Variants in HSBP1L1 observed in about 807,000 individuals in gnomAD.
HSBP1L1 encodes the protein heat shock factor-binding protein 1-like protein 1.
HSBP1L1 carries 8 observed loss-of-function variants against 9.7 expected under a neutral mutation model. That is an observed-to-expected ratio of 0.82 (90% CI 0.48 to 1.48). The LOEUF (loss-of-function observed/expected upper bound fraction) is 1.48, where lower values mean the gene tolerates loss of function less well. Ranked by LOEUF, HSBP1L1 falls within the 40% of genes most tolerant of loss-of-function variation. The probability of loss-of-function intolerance (pLI) is 0.00; values close to 1 mark genes in which losing one functional copy is unlikely to be tolerated. For synonymous variants in HSBP1L1, 39 were observed against 34.4 expected (o/e 1.13, Z -0.46); for missense variants, 106 against 95.8 (o/e 1.11, Z -0.44).
intron 1 of HSBP1L1, among the ~76,000 whole-genome samples, chr18:79,966,148 G>A (rs1367122657): frequency 6.6e-6 from 1 of 151,994 alleles, no homozygotes; most frequent in African/African-American, 2.4e-5. Context: ...TGCCAGGATG[G>A]TCTCGATCTC....
At position 79,968,196 on chromosome 18, in the gene HSBP1L1, G is replaced by C; in HGVS notation, c.213+13G>C. The C allele has an allele frequency of 6.9e-7, 1 of 1,454,230 alleles. No individual in the cohort carries two copies. The highest frequency in any genetic ancestry group is 9.4e-7 in the Non-Finnish European group (1 of 1,060,498). The allele number at this position is 1,454,230 out of a possible 1,614,324, so 90.1% of individuals were successfully genotyped here. A position where few individuals can be genotyped will look rare whatever the true frequency, so the allele number is the denominator to read the frequency against. ...TAAAGAACAAATGGTAAGGTTATTA[G>C]CAAACTATGTCAACCGTTTTCGTAT... is the stretch of plus-strand genomic sequence containing the variant. On this transcript the variant is annotated intron_variant, in intron 3 of 3. Coordinates refer to ENST00000451882, the MANE Select transcript of HSBP1L1 (RefSeq NM_001136180.2).
chr18:79,970,594 TG>T lies in HSBP1L1; in HGVS notation c.*144del, dbSNP rs2051291313. The T allele has an allele frequency of 2.8e-5, 18 of 641,130 alleles. No individual in the cohort carries two copies. Among genetic ancestry groups the T allele is most frequent in the Non-Finnish European group, 4.7e-5 (16 of 340,888 alleles). The allele number at this position is 641,130 out of a possible 1,614,324, so 39.7% of individuals were successfully genotyped here. On this transcript the variant is annotated 3_prime_UTR_variant, in exon 4 of 4. Transcript: ENST00000451882. ...GCTCGCCTGCTCTCCCCTCCGTGCC[TG>T]CACCAGAGAAGGAGGCCATCGGCAA...
In HSBP1L1 at chr18:79,964,773, C is replaced by G; in HGVS notation, c.38C>G (p.Ala13Gly). The G allele has an allele frequency of 7.1e-7, 1 of 1,406,174 alleles. No homozygotes were observed. The highest frequency in any genetic ancestry group is 3.1e-5 in the East Asian group (1 of 32,660). 87.1% of individuals were successfully genotyped at this position (1,406,174 alleles called of 1,614,324 possible). ...VRGPEAPGGR[A>G]LRDAAENLFQ... ...GGCCCTGAAGCCCCCGGCGGGCGCGCGCTGCGGGACGCGGTGAGCCCCTCC... is the reference window on the plus strand; with the variant it reads ...GGCCCTGAAGCCCCCGGCGGGCGCGGGCTGCGGGACGCGGTGAGCCCCTCC... The change falls in exon 1 of 4, where the codon GCG becomes GGG. Residue 13 changes from alanine to glycine, a missense_variant. By Grantham distance (60) the Ala-to-Gly change is moderately conservative. Transcript: ENST00000451882.
At chr18:79,969,150 C>T (rs1246295822) in intron 3 of HSBP1L1, among the ~76,000 whole-genome samples, 1 of 148,470 alleles carries the variant, frequency 6.7e-6, no homozygotes, top group African/African-American at 2.5e-5. Flanking sequence ...GACTGTGCCA[C>T]GGCACTCCAG....
chr18:79,966,425 T>C (rs1038292569), intron 1 of HSBP1L1, among the ~76,000 whole-genome samples, 187 bp from the exon 2 acceptor site: 1 of 152,046 alleles, frequency 6.6e-6, no homozygotes, highest in African/African-American at 2.4e-5. Flanking sequence ...ATGCTTGTAA[T>C]CCCAGCTACT....
intron 3 of HSBP1L1, among the ~76,000 whole-genome samples, chr18:79,969,383 GAAAGAAAGAAAA>G (rs1257846679): frequency 1.9e-4 from 11 of 59,146 alleles, no homozygotes; most frequent in African/African-American, 4.3e-4. Flanking sequence ...AAGAAAGAAA[GAAAGAAAGAAAA>G]AAAAACGATG....
intron 3 of HSBP1L1, among the ~76,000 whole-genome samples, chr18:79,969,312 GGAAAGAAAGAAAGAAAGAAAAA>G (rs1568356532): frequency 6.8e-4 from 32 of 47,108 alleles, no homozygotes; most frequent in African/African-American, 2.4e-3. Context: ...GAGAGAGAAA[GGAAAGAAAGAAAGAAAGAAAAA>G]GAAAGAAAGA....
At chr18:79,965,258 C>T (rs949619086) in intron 1 of HSBP1L1, among the ~76,000 whole-genome samples, 2 of 152,208 alleles carry the variant, frequency 1.3e-5, no homozygotes, top group Admixed American at 6.5e-5. Context: ...TCCTACTTGC[C>T]AAAGAGTTCC....
intron 1 of HSBP1L1, among the ~76,000 whole-genome samples, chr18:79,966,408 G>A (rs2051257383): frequency 1.3e-5 from 2 of 152,108 alleles, no homozygotes; most frequent in South Asian, 2.1e-4. Context: ...GCTGGGCCTG[G>A]TGGCACATGC....
chr18:79,966,699 C>T (rs2051259046), intron 2 of HSBP1L1, 21 bp downstream of exon 2: 6 of 1,498,514 alleles, frequency 4.0e-6, no homozygotes, highest in Middle Eastern at 1.7e-4. Flanking sequence ...CTACCTTTAA[C>T]AAATGCTGTG....
intron 2 of HSBP1L1, 154 bp from the exon 3 acceptor site, chr18:79,967,935 G>T (rs968765519): frequency 3.5e-5 from 19 of 537,620 alleles, no homozygotes; most frequent in Non-Finnish European, 5.2e-5. Context: ...AAAACTCAGG[G>T]AAAGAAGCTG....
At chr18:79,970,168 A>C in intron 3 of HSBP1L1, 1 of 385,978 alleles carries the variant, frequency 2.6e-6, no homozygotes, top group Non-Finnish European at 4.9e-6. Context: ...TAACCTGGGG[A>C]AATCTAAGCT....
chr18:79,964,665 C>G lies in HSBP1L1; in HGVS notation c.-71C>G. 1 of 880,612 alleles carries G rather than the reference C, an allele frequency of 1.1e-6. No individual in the cohort carries two copies. Among genetic ancestry groups the G allele is most frequent in the Non-Finnish European group, 1.6e-6 (1 of 611,086 alleles). The allele number at this position is 880,612 out of a possible 1,614,324, so 54.5% of individuals were successfully genotyped here. ...CCCATACGGGAATCGCGGAGCTTAG[C>G]TGTCGCCACCTCGCGCCGGGTCCGC... On this transcript the variant is annotated 5_prime_UTR_variant, in exon 1 of 4. Coordinates refer to ENST00000451882, the MANE Select transcript of HSBP1L1 (RefSeq NM_001136180.2).
intron 2 of HSBP1L1, 36 bp from the exon 3 acceptor site, chr18:79,968,053 G>A: frequency 7.3e-7 from 1 of 1,370,844 alleles, no homozygotes; most frequent in Non-Finnish European, 1.0e-6. Flanking sequence ...GGCGGCTCTG[G>A]ACTCCAGCTC....
chr18:79,964,776 T>C lies in HSBP1L1; in HGVS notation c.41T>C (p.Leu14Pro). The C allele has an allele frequency of 1.5e-6, 2 of 1,368,854 alleles. No homozygotes were observed. Among genetic ancestry groups the C allele is most frequent in the Non-Finnish European group, 1.9e-6 (2 of 1,058,782 alleles). 84.8% of individuals were successfully genotyped at this position (1,368,854 alleles called of 1,614,324 possible). A position where few individuals can be genotyped will look rare whatever the true frequency, so the allele number is the denominator to read the frequency against. The change falls in exon 1 of 4, where the codon CTG becomes CCG. Residue 14 changes from leucine (L) to proline (P), a missense_variant. Coordinates refer to ENST00000451882, the MANE Select transcript of HSBP1L1 (RefSeq NM_001136180.2). ...RGPEAPGGRALRDAAENLFQE... is the reference protein window; with the variant it reads ...RGPEAPGGRAPRDAAENLFQE... ...CCTGAAGCCCCCGGCGGGCGCGCGC[T>C]GCGGGACGCGGTGAGCCCCTCCCCG... is the stretch of plus-strand genomic sequence containing the variant.
At chr18:79,967,869 A>G (rs931313775) in intron 2 of HSBP1L1, 1 of 443,308 alleles carries the variant, frequency 2.3e-6, no homozygotes, top group African/African-American at 2.0e-5. Flanking sequence ...ATGTCCAAGC[A>G]AGGGGAGCCA....
At chr18:79,965,825 G>T (rs116494760) in intron 1 of HSBP1L1, among the ~76,000 whole-genome samples, 1 of 152,154 alleles carries the variant, frequency 6.6e-6, no homozygotes, top group Admixed American at 6.5e-5. Context: ...CATGATTCCC[G>T]CGCTGCTTGT....
chr18:79,968,361 C>T (rs2051268214), intron 3 of HSBP1L1, among the ~76,000 whole-genome samples, 178 bp downstream of exon 3: 1 of 152,184 alleles, frequency 6.6e-6, no homozygotes, highest in Non-Finnish European at 1.5e-5. Context: ...GAGTCTTGCT[C>T]TGTCGCCCAG....
Position 79,964,716 on chromosome 18 carries a change from GC to G in HSBP1L1, c.-15del. 15 of 1,391,860 alleles carry G rather than the reference GC, an allele frequency of 1.1e-5. No homozygotes were observed. Among genetic ancestry groups the G allele is most frequent in the Middle Eastern group, 2.4e-4 (1 of 4,158 alleles). 86.2% of individuals were successfully genotyped at this position (1,391,860 alleles called of 1,614,324 possible). A position where few individuals can be genotyped will look rare whatever the true frequency, so the allele number is the denominator to read the frequency against. On this transcript the variant is annotated 5_prime_UTR_variant, in exon 1 of 4. Coordinates refer to ENST00000451882, the MANE Select transcript of HSBP1L1 (RefSeq NM_001136180.2). ...GCGGCCCACGGGACCCCCCACTGAC[GC>G]CCCCGGCCAGCGGTCCACATGGACG... is the stretch of plus-strand genomic sequence containing the variant.
Sources: allele counts gnomAD v4.1 joint callset (sites outside exome capture counted in the v4.1 genomes callset), GRCh38; gene constraint gnomAD v4.1.1; transcripts MANE v1.5; gene names NCBI Gene and HGNC (gene_info 2026-07-23, HGNC 2026-07-21).